SLMAP: variants seen among roughly 807,000 people sequenced by gnomAD.
SLMAP encodes the protein sarcolemmal membrane-associated protein.
In SLMAP, 44 loss-of-function variants were observed where a neutral mutation model predicts 128.8. The ratio of observed to expected loss-of-function variants is 0.34; its 90% CI spans 0.27 to 0.44. SLMAP has a LOEUF of 0.44. SLMAP is among the 20% of genes least tolerant of loss of function. SLMAP has a pLI of 1.00. For missense variants in SLMAP, 787 were observed against 985.3 expected (o/e 0.80, Z 2.69); for synonymous variants, 327 against 348.8 (o/e 0.94, Z 0.70).
At chr3:57,882,906 A>G (rs1488252678) in intron 14 of SLMAP, among the ~76,000 whole-genome samples, 2 of 152,198 alleles carry the variant, frequency 1.3e-5, no homozygotes, top group Non-Finnish European at 1.5e-5. Context: ...TTGTGTTTAT[A>G]CTATTTTATT....
chr3:57,761,145 A>G (rs1024245386), intron 2 of SLMAP, among the ~76,000 whole-genome samples: 1 of 152,086 alleles, frequency 6.6e-6, no homozygotes. Flanking sequence ...TAAGCACCCA[A>G]TACTCAGCAG....
chr3:57,769,517 G>A (rs1183598899), intron 2 of SLMAP, among the ~76,000 whole-genome samples: 1 of 151,946 alleles, frequency 6.6e-6, no homozygotes, highest in Non-Finnish European at 1.5e-5. Context: ...AAGACACAAG[G>A]TCTCACTATG....
intron 8 of SLMAP, 149 bp downstream of exon 8, chr3:57,858,308 A>G (rs2094888134): frequency 3.4e-6 from 2 of 590,194 alleles, no homozygotes; most frequent in Non-Finnish European, 6.1e-6. Context: ...TCAGACATCC[A>G]TGTAAATAAA....
chr3:57,852,605 T>C (rs1176866270), intron 6 of SLMAP, among the ~76,000 whole-genome samples: 1 of 152,250 alleles, frequency 6.6e-6, no homozygotes, highest in Non-Finnish European at 1.5e-5. Flanking sequence ...TAAATGTTAG[T>C]AGTTTACCAT....
intron 23 of SLMAP, 104 bp from the exon 24 acceptor site, chr3:57,925,741 T>C: frequency 1.3e-6 from 1 of 744,174 alleles, no homozygotes; most frequent in Admixed American, 2.3e-5. Flanking sequence ...ATACTTCTAT[T>C]ATTTCATTCT....
intron 2 of SLMAP, among the ~76,000 whole-genome samples, chr3:57,778,048 G>A (rs1163496223): frequency 6.6e-6 from 1 of 152,042 alleles, no homozygotes; most frequent in Non-Finnish European, 1.5e-5. Flanking sequence ...AAGGATTTTT[G>A]TATCTCTGTT....
intron 14 of SLMAP, among the ~76,000 whole-genome samples, chr3:57,879,214 G>A (rs1022032644): frequency 4.6e-5 from 7 of 152,142 alleles, no homozygotes; most frequent in Non-Finnish European, 7.4e-5. Context: ...TTAATTTTAT[G>A]CCACATAGTA....
intron 13 of SLMAP, among the ~76,000 whole-genome samples, chr3:57,868,669 A>G (rs1412646626): frequency 6.6e-6 from 1 of 150,922 alleles, no homozygotes; most frequent in East Asian, 1.9e-4. Context: ...CAAGGTTGCA[A>G]TGAACTATGA....
chr3:57,797,729 A>AGTAC (rs1258718208), intron 2 of SLMAP, among the ~76,000 whole-genome samples: 1 of 152,214 alleles, frequency 6.6e-6, no homozygotes. Flanking sequence ...ACCTGAGTTT[A>AGTAC]GTACCAGTTA....
intron 19 of SLMAP, among the ~76,000 whole-genome samples, chr3:57,910,074 TCTGTTTGAGC>T (rs1470167218): frequency 6.6e-6 from 1 of 152,174 alleles, no homozygotes; most frequent in Non-Finnish European, 1.5e-5. Context: ...GGATAGGAAA[TCTGTTTGAGC>T]TACTCTGCGT....
chr3:57,925,721 C>T (rs1207876118), intron 23 of SLMAP, 124 bp from the exon 24 acceptor site: 7 of 669,612 alleles, frequency 1.0e-5, no homozygotes, highest in African/African-American at 1.8e-5. Flanking sequence ...CTGTGTAAAA[C>T]CTGAGTGGTA....
chr3:57,780,287 C>T (rs1047207849), intron 2 of SLMAP, among the ~76,000 whole-genome samples: 29 of 151,988 alleles, frequency 1.9e-4, no homozygotes, highest in Non-Finnish European at 4.1e-4. Context: ...GCTGGAACTA[C>T]AGGTGCACAC....
intron 2 of SLMAP, among the ~76,000 whole-genome samples, chr3:57,826,177 C>G (rs973176921): frequency 4.0e-5 from 6 of 151,892 alleles, no homozygotes; most frequent in Non-Finnish European, 1.5e-5. Context: ...TACTTCTATT[C>G]TTTTGAGTTA....
At chr3:57,914,572 T>C (rs993356183) in intron 21 of SLMAP, among the ~76,000 whole-genome samples, 2 of 151,970 alleles carry the variant, frequency 1.3e-5, no homozygotes, top group African/African-American at 4.8e-5. Context: ...ATCTCATATA[T>C]AGCTATATAC....
rs114809571 is a variant in SLMAP at position 57,772,432 on chromosome 3, G to A, written c.198+14583G>A. Among the ~76,000 whole-genome samples the A allele has an allele frequency of 2.5e-3, 385 of 152,312 alleles. 1 individual carries two copies. Among genetic ancestry groups the A allele is most frequent in the African/African-American group, 8.5e-3 (352 of 41,570 alleles). ...AAGGCTGGGATTCAGTTTGGAAACC[G>A]ATGCTGGAGTCACAGCCAAAATCGT... On this transcript the variant is annotated intron_variant, in intron 2 of 24. Transcript: ENST00000671191.
At chr3:57,804,054 C>T (rs1175074475) in intron 2 of SLMAP, among the ~76,000 whole-genome samples, 1 of 152,134 alleles carries the variant, frequency 6.6e-6, no homozygotes, top group Admixed American at 6.5e-5. Flanking sequence ...TAGCATAGTA[C>T]AGTCATCTTA....
rs2080786449 is a variant in SLMAP, at chr3:57,771,165, TCCCCTCCCCTCC to T, written c.198+13319_198+13330del. ...TGCTCTCCCCTCCCCTCCCCTCCCC[TCCCCTCCCCTCC>T]CCTCTCCTCTCCTCCCTTCTCTTTC... On this transcript the variant is annotated intron_variant, in intron 2 of 24. Coordinates refer to ENST00000671191, the MANE Select transcript of SLMAP (RefSeq NM_001377540.1). 2.4e-3 allele frequency among the ~76,000 whole-genome samples: 195 copies of T among 80,228 alleles called. 2 individuals are homozygous for T. The highest frequency in any genetic ancestry group is 7.9e-3 in the African/African-American group (167 of 21,194). 52.6% of individuals were successfully genotyped at this position (80,228 alleles called of 152,430 possible).
intron 4 of SLMAP, 48 bp downstream of exon 4, chr3:57,841,419 A>G (rs760503329): frequency 3.5e-5 from 38 of 1,099,682 alleles, no homozygotes; most frequent in Non-Finnish European, 4.6e-5. Flanking sequence ...TTAGTACTGT[A>G]AAGAATTTAG....
At chr3:57,819,190 G>T (rs972991947) in intron 2 of SLMAP, among the ~76,000 whole-genome samples, 3 of 152,110 alleles carry the variant, frequency 2.0e-5, no homozygotes, top group Non-Finnish European at 2.9e-5. Flanking sequence ...CTTACCTGTG[G>T]ATGTCTAAAT....
Sources: gnomAD v4.1 joint callset for allele counts (sites outside exome capture counted in the v4.1 genomes callset) on GRCh38, gnomAD v4.1.1 for gene constraint, MANE v1.5 for transcripts, NCBI Gene and HGNC (gene_info 2026-07-23, HGNC 2026-07-21) for gene names.